The following AGPAT4 variants were observed in gnomAD, a reference collection of about 807,000 sequenced individuals.
AGPAT4 encodes 1-acyl-sn-glycerol-3-phosphate acyltransferase delta.
AGPAT4 carries 15 observed loss-of-function variants against 48.0 expected under a neutral mutation model. The ratio of observed to expected loss-of-function variants is 0.31; its 90% CI spans 0.21 to 0.48. The LOEUF is 0.48. Among genes scored for constraint, AGPAT4 ranks in the 20% least tolerant of loss-of-function variants. AGPAT4 has a pLI of 0.99. For synonymous variants in AGPAT4, 178 were observed against 198.7 expected, an observed-to-expected ratio of 0.90 and a Z score of 0.88; for missense variants, 314 against 482.5, an observed-to-expected ratio of 0.65 and a Z score of 3.27.
At position 161,235,661 on chromosome 6, in the gene AGPAT4, T is replaced by C. The variant is rs540714318; in HGVS notation, c.-89-3359A>G. 2.0e-5 allele frequency among the ~76,000 whole-genome samples: 3 copies of C among 152,280 alleles called. No individual in the cohort carries two copies. The highest frequency in any genetic ancestry group is 1.9e-4 in the East Asian group (1 of 5,178). On this transcript the variant is annotated intron_variant, in intron 1 of 8. Transcript: ENST00000320285. This position sits in a 1 kb window ranked among gnomAD's most constrained non-coding sequence, Gnocchi z 6.2. ...TTCTGGGGAGGCCTCAGGAAGCTTT[T>C]ACTCATGGCGGAAGGCAAAGGGGGA...
Position 161,266,996 on chromosome 6 carries a change from G to A in AGPAT4, c.-90+6942C>T, listed in dbSNP as rs549441766. On this transcript the variant is annotated intron_variant, in intron 1 of 8. Coordinates refer to ENST00000320285, the MANE Select transcript of AGPAT4 (RefSeq NM_020133.3). The surrounding 1 kb of genome is among the most constrained non-coding windows in gnomAD (Gnocchi z 6.2). ...AGATAATAATCTGCCTTTAAACCCC[G>A]TGGTGGATTTGTGGAAAGTCCACTG... 7.2e-5 allele frequency among the ~76,000 whole-genome samples: 11 copies of A among 152,220 alleles called. No homozygotes were observed. Among genetic ancestry groups the A allele is most frequent in the South Asian group, 2.1e-4 (1 of 4,814 alleles).
In AGPAT4 at chr6:161,225,320, A is replaced by T. The variant is rs1453334050; in HGVS notation, c.178+6716T>A. On this transcript the variant is annotated intron_variant, in intron 2 of 8. Transcript: ENST00000320285. The surrounding 1 kb of genome is among the most constrained non-coding windows in gnomAD (Gnocchi z 5.0). The stretch of plus-strand genomic sequence containing the variant: ...GCAGTCTAACCCTAGCCAATAGGGG[A>T]AGGACACAGCAGCAGGGGCCATGGG... 6.6e-6 allele frequency among the ~76,000 whole-genome samples: 1 copy of T among 152,230 alleles called. No homozygotes were observed. Among genetic ancestry groups the T allele is most frequent in the Non-Finnish European group, 1.5e-5 (1 of 68,046 alleles).
Position 161,243,235 on chromosome 6 carries a change from T to C in AGPAT4, c.-89-10933A>G, listed in dbSNP as rs1782546216. Among the ~76,000 whole-genome samples the C allele has an allele frequency of 6.6e-6, 1 of 151,968 alleles. No homozygotes were observed. The highest frequency in any genetic ancestry group is 1.9e-4 in the East Asian group (1 of 5,182). On this transcript the variant is annotated intron_variant, in intron 1 of 8. Transcript: ENST00000320285. The surrounding 1 kb of genome is among the most constrained non-coding windows in gnomAD (Gnocchi z 4.8). ...GGAACGACATGGGAGCTGGGGACAG[T>C]GAAGGGGCAGCTCTCCCCTTGGGGT...
chr6:161,164,260 G>A lies in AGPAT4; in HGVS notation c.348+1988C>T, dbSNP rs1414005605. Among the ~76,000 whole-genome samples, 3 of 152,194 alleles carry A rather than the reference G, an allele frequency of 2.0e-5. No homozygotes were observed. Among genetic ancestry groups the A allele is most frequent in the Non-Finnish European group, 2.9e-5 (2 of 68,034 alleles). On this transcript the variant is annotated intron_variant, in intron 3 of 8. Transcript: ENST00000320285. This position sits in a 1 kb window ranked among gnomAD's most constrained non-coding sequence, Gnocchi z 7.4. Reference sequence around the variant, plus strand: ...ACCTGGGTCCCTCCCTGCATGTGTTGTGGGGCTCACCTTCTCCCTCATCTG... The same window carrying A: ...ACCTGGGTCCCTCCCTGCATGTGTTATGGGGCTCACCTTCTCCCTCATCTG...
chr6:161,181,504 A>AGGGGGGGGGG (rs1780589918), intron 2 of AGPAT4, among the ~76,000 whole-genome samples: 1 of 141,972 alleles, frequency 7.0e-6, no homozygotes. Flanking sequence ...TGGGGGTAGC[A>AGGGGGGGGGG]GGGGGCGGGG....
rs568613045 is a variant in AGPAT4, at chr6:161,262,328, C to T, written c.-90+11610G>A. Among the ~76,000 whole-genome samples the T allele has an allele frequency of 3.3e-5, 5 of 152,276 alleles. No individual in the cohort carries two copies. The highest frequency in any genetic ancestry group is 3.3e-4 in the Admixed American group (5 of 15,290). ...GAGAACATGGGTTAGACTCTGCTGC[C>T]AGGACCTGAAAAGCGTGATGGAGCT... is the stretch of plus-strand genomic sequence containing the variant. On this transcript the variant is annotated intron_variant, in intron 1 of 8. Coordinates refer to ENST00000320285, the MANE Select transcript of AGPAT4 (RefSeq NM_020133.3). The surrounding 1 kb of genome is among the most constrained non-coding windows in gnomAD (Gnocchi z 4.9).
At position 161,215,030 on chromosome 6, in the gene AGPAT4, T is replaced by G. The variant is rs542807034; in HGVS notation, c.178+17006A>C. 6.6e-6 allele frequency among the ~76,000 whole-genome samples: 1 copy of G among 152,282 alleles called. No homozygotes were observed. On this transcript the variant is annotated intron_variant, in intron 2 of 8. Coordinates refer to ENST00000320285, the MANE Select transcript of AGPAT4 (RefSeq NM_020133.3). The surrounding 1 kb of genome is among the most constrained non-coding windows in gnomAD (Gnocchi z 4.5). ...CCATATCCAGCTTCATACTAACAAT[T>G]TTTTCTTTGGTAGGACTACAAGCTA...
At chr6:161,268,517 T>G (rs543552283) in intron 1 of AGPAT4, among the ~76,000 whole-genome samples, 1 of 152,250 alleles carries the variant, frequency 6.6e-6, no homozygotes, top group East Asian at 1.9e-4. Flanking sequence ...ACAGGAATTT[T>G]AGTGTCTGGC....
Position 161,272,886 on chromosome 6 carries a change from A to G in AGPAT4, c.-90+1052T>C, listed in dbSNP as rs1783469466. ...AGCGTGGCTAATCCATCTAAGAACA[A>G]TGCACGAAAACGAAAAACGGAGAAT... On this transcript the variant is annotated intron_variant, in intron 1 of 8. Transcript: ENST00000320285. The surrounding 1 kb of genome is among the most constrained non-coding windows in gnomAD (Gnocchi z 4.2). Among the ~76,000 whole-genome samples, 1 of 152,340 alleles carries G rather than the reference A, an allele frequency of 6.6e-6. No homozygotes were observed. The highest frequency in any genetic ancestry group is 2.1e-4 in the South Asian group (1 of 4,826).
At chr6:161,250,715 A>T (rs988802038) in intron 1 of AGPAT4, among the ~76,000 whole-genome samples, 1 of 152,184 alleles carries the variant, frequency 6.6e-6, no homozygotes, top group Admixed American at 6.5e-5. Flanking sequence ...TATTGCCAAA[A>T]TATTTGTAGC....
At chr6:161,179,723 T>C (rs1258486395) in intron 2 of AGPAT4, among the ~76,000 whole-genome samples, 1 of 152,204 alleles carries the variant, frequency 6.6e-6, no homozygotes. Context: ...AAGACCTCTA[T>C]GATGATCCAC....
Position 161,248,880 on chromosome 6 carries a change from CA to C in AGPAT4, c.-89-16579del, listed in dbSNP as rs570488240. Among the ~76,000 whole-genome samples, 165 of 152,200 alleles carry C rather than the reference CA, an allele frequency of 1.1e-3. 1 individual carries two copies. The highest frequency in any genetic ancestry group is 3.8e-3 in the African/African-American group (156 of 41,530). On this transcript the variant is annotated intron_variant, in intron 1 of 8. Coordinates refer to ENST00000320285, the MANE Select transcript of AGPAT4 (RefSeq NM_020133.3). Reference sequence around the variant, plus strand: ...GCCTGAATAGCCTAAGCAAAAAGAACAAAGCTGGAGGCATCACACTATCTGA... The same window carrying C: ...GCCTGAATAGCCTAAGCAAAAAGAACAAGCTGGAGGCATCACACTATCTGA...
chr6:161,149,089 G>T lies in AGPAT4; in HGVS notation c.767+98C>A, dbSNP rs762073783. On this transcript the variant is annotated intron_variant, in intron 6 of 8. Transcript: ENST00000320285. This position sits in a 1 kb window ranked among gnomAD's most constrained non-coding sequence, Gnocchi z 6.5. ...AAACAGACTGCAAAGAAGTCAGTGT[G>T]ACCCAGGGATCCCTGGAAGAAAGTC... The T allele has an allele frequency of 2.5e-4, 358 of 1,436,994 alleles. No individual in the cohort carries two copies. The highest frequency in any genetic ancestry group is 3.2e-4 in the Non-Finnish European group (349 of 1,076,782). 89.0% of individuals were successfully genotyped at this position (1,436,994 alleles called of 1,614,324 possible).
chr6:161,188,094 C>T (rs1780821643), intron 2 of AGPAT4, among the ~76,000 whole-genome samples: 1 of 151,982 alleles, frequency 6.6e-6, no homozygotes, highest in African/African-American at 2.4e-5. Flanking sequence ...TAATAAAATG[C>T]TATATATGTA....
At chr6:161,176,951 A>G (rs1157916938) in intron 2 of AGPAT4, among the ~76,000 whole-genome samples, 1 of 152,190 alleles carries the variant, frequency 6.6e-6, no homozygotes, top group Non-Finnish European at 1.5e-5. Context: ...CTTTTCTTTA[A>G]GAATGTTCAA....
rs1457798957 is a variant in AGPAT4, at chr6:161,209,229, C to T, written c.178+22807G>A. Among the ~76,000 whole-genome samples, 3 of 152,064 alleles carry T rather than the reference C, an allele frequency of 2.0e-5. No homozygotes were observed. The East Asian group carries it at 5.8e-4, about 29-fold the overall frequency. ...GAGCAGAAAGCCACAATGAGGAATCCCAAAGGCTTGCTTGGAGGTGATGGC... is the reference window on the plus strand; with the variant it reads ...GAGCAGAAAGCCACAATGAGGAATCTCAAAGGCTTGCTTGGAGGTGATGGC... On this transcript the variant is annotated intron_variant, in intron 2 of 8. Coordinates refer to ENST00000320285, the MANE Select transcript of AGPAT4 (RefSeq NM_020133.3).
At position 161,141,339 on chromosome 6, in the gene AGPAT4, T is replaced by G. The variant is rs936753456; in HGVS notation, c.844-1719A>C. 2.0e-5 allele frequency among the ~76,000 whole-genome samples: 3 copies of G among 151,886 alleles called. No homozygotes were observed. On this transcript the variant is annotated intron_variant, in intron 7 of 8. Transcript: ENST00000320285. This position sits in a 1 kb window ranked among gnomAD's most constrained non-coding sequence, Gnocchi z 6.7. ...ACATCATCAAGCAACTGAAGAACAA[T>G]CAACGTGTGTGCCAAGCACTCCTAC... is the stretch of plus-strand genomic sequence containing the variant.
At chr6:161,257,599 A>G (rs141640404) in intron 1 of AGPAT4, among the ~76,000 whole-genome samples, 50 of 152,352 alleles carry the variant, frequency 3.3e-4, no homozygotes, top group African/African-American at 1.2e-3. Flanking sequence ...CCATTAAAAA[A>G]TTAAATGAAG....
At chr6:161,190,320 G>A (rs935120522) in intron 2 of AGPAT4, among the ~76,000 whole-genome samples, 11 of 152,160 alleles carry the variant, frequency 7.2e-5, no homozygotes, top group African/African-American at 2.7e-4. Flanking sequence ...GAGAGAGACT[G>A]AATGTAAGAG....
Sources: allele counts gnomAD v4.1 joint callset (sites outside exome capture counted in the v4.1 genomes callset), GRCh38; gene constraint gnomAD v4.1.1; non-coding constraint Gnocchi (gnomAD v3.1); transcripts MANE v1.5; gene names NCBI Gene and HGNC (gene_info 2026-07-23, HGNC 2026-07-21).